HOOK3: variants seen among roughly 807,000 people sequenced by gnomAD.
HOOK3 encodes the protein hook microtubule tethering protein 3.
HOOK3 carries 24 observed loss-of-function variants against 116.3 expected under a neutral mutation model. The ratio of observed to expected loss-of-function variants is 0.21; its 90% CI spans 0.15 to 0.29. The LOEUF is 0.29. Among genes scored for constraint, HOOK3 ranks in the 10% least tolerant of loss-of-function variants. The pLI, the probability that HOOK3 is intolerant of heterozygous loss-of-function variation, is 1.00. For missense variants in HOOK3, 632 were observed against 830.2 expected (o/e 0.76, Z 2.93); for synonymous variants, 275 against 283.0 (o/e 0.97, Z 0.28).
chr8:43,017,355 C>G (rs538654566), intron 21 of HOOK3, among the ~76,000 whole-genome samples: 5 of 152,206 alleles, frequency 3.3e-5, no homozygotes, highest in Non-Finnish European at 7.3e-5. Context: ...CAGCCTCAAC[C>G]TCCTGGGCTC....
At chr8:42,933,695 G>A (rs1488613578) in intron 4 of HOOK3, among the ~76,000 whole-genome samples, 5 of 152,094 alleles carry the variant, frequency 3.3e-5, no homozygotes, top group African/African-American at 1.2e-4. Flanking sequence ...CTTATTTTAA[G>A]CCCCACAAAT....
intron 1 of HOOK3, among the ~76,000 whole-genome samples, chr8:42,902,537 G>C (rs1237745929): frequency 6.6e-6 from 1 of 152,108 alleles, no homozygotes; most frequent in Admixed American, 6.5e-5. Flanking sequence ...CTCCCATAGT[G>C]CTGAGGTAAC....
At chr8:42,939,372 C>T (rs62515920) in intron 4 of HOOK3, among the ~76,000 whole-genome samples, 6,572 of 149,746 alleles carry the variant, frequency 0.044, 210 homozygotes, top group South Asian at 0.072. Context: ...CCCTCCTGGA[C>T]GGGGCGGCTG....
intron 1 of HOOK3, among the ~76,000 whole-genome samples, chr8:42,902,218 C>A (rs865780116): frequency 6.6e-6 from 1 of 151,754 alleles, no homozygotes; most frequent in East Asian, 1.9e-4. Flanking sequence ...CAGCTTCCTA[C>A]ACACAGATTC....
Position 42,958,053 on chromosome 8 carries a change from C to T in HOOK3, c.531+897C>T, listed in dbSNP as rs560548322. 1.4e-4 allele frequency among the ~76,000 whole-genome samples: 22 copies of T among 152,136 alleles called. 1 individual carries two copies. The South Asian group carries it at 2.9e-3, about 20-fold the overall frequency. On this transcript the variant is annotated intron_variant, in intron 7 of 21. Coordinates refer to ENST00000307602, the MANE Select transcript of HOOK3 (RefSeq NM_032410.4). The stretch of plus-strand genomic sequence containing the variant: ...TTCACCATGTTAGCCAGGATGGTCT[C>T]GATCTCCTGACCTTGTGATCCACCA...
chr8:43,011,304 T>C (rs1809607793), intron 19 of HOOK3, among the ~76,000 whole-genome samples: 1 of 152,098 alleles, frequency 6.6e-6, no homozygotes, highest in South Asian at 2.1e-4. Flanking sequence ...AGGGGGTCAG[T>C]TTTCTTACAG....
intron 6 of HOOK3, 87 bp from the exon 7 acceptor site, chr8:42,957,007 G>T: frequency 1.6e-6 from 1 of 620,804 alleles, no homozygotes. Context: ...TTCTATAGTG[G>T]CTGGGTATTC....
At chr8:42,910,654 C>T (rs991586528) in intron 2 of HOOK3, among the ~76,000 whole-genome samples, 1 of 152,200 alleles carries the variant, frequency 6.6e-6, no homozygotes, top group Admixed American at 6.5e-5. Flanking sequence ...TATTGTTACA[C>T]AGTATCTATT....
intron 13 of HOOK3, among the ~76,000 whole-genome samples, chr8:42,982,041 G>C (rs1284115486): frequency 6.6e-6 from 1 of 151,282 alleles, no homozygotes; most frequent in African/African-American, 2.4e-5. Flanking sequence ...ATCACCTGAA[G>C]TCAGGAGTTC....
At chr8:42,961,948 A>G (rs967435933) in intron 8 of HOOK3, among the ~76,000 whole-genome samples, 4 of 151,868 alleles carry the variant, frequency 2.6e-5, no homozygotes, top group African/African-American at 9.7e-5. Flanking sequence ...CACCACACCC[A>G]GCTAATTCTT....
intron 2 of HOOK3, among the ~76,000 whole-genome samples, chr8:42,914,044 G>A (rs775510746): frequency 2.0e-5 from 3 of 152,130 alleles, no homozygotes; most frequent in African/African-American, 7.2e-5. Flanking sequence ...TCTCCTAACA[G>A]CACTGCTTTG....
In HOOK3 at chr8:42,984,267, G is replaced by A. The variant is rs578124283; in HGVS notation, c.1391+1571G>A. ...CCGGTAATCCCAGCTACTCGGGAGG[G>A]TGAGGTAGGAGAATCACTTGAACCC... On this transcript the variant is annotated intron_variant, in intron 14 of 21. Coordinates refer to ENST00000307602, the MANE Select transcript of HOOK3 (RefSeq NM_032410.4). 2.0e-5 allele frequency among the ~76,000 whole-genome samples: 3 copies of A among 151,648 alleles called. No individual in the cohort carries two copies. The East Asian group carries it at 5.8e-4, about 29-fold the overall frequency.
rs776358964 is a variant in HOOK3, at chr8:42,957,117, C to T, written c.492C>T (p.Val164=). The T allele has an allele frequency of 6.3e-7, 1 of 1,595,966 alleles. No homozygotes were observed. Among genetic ancestry groups the T allele is most frequent in the Admixed American group, 1.7e-5 (1 of 59,108 alleles). The part of the protein sequence containing the change: ...IQELMSKESP[V]SAGNDAYVDL... Reference sequence around the variant, plus strand: ...AGCTGATGAGTAAAGAATCTCCTGTCTCTGCTGGAAATGATGCCTATGTTG... The same window carrying T: ...AGCTGATGAGTAAAGAATCTCCTGTTTCTGCTGGAAATGATGCCTATGTTG... The change falls in exon 7 of 22, where the codon GTC becomes GTT. Residue 164 remains valine (V), a synonymous_variant. Transcript: ENST00000307602.
intron 1 of HOOK3, among the ~76,000 whole-genome samples, chr8:42,904,586 C>T (rs909776706): frequency 1.2e-4 from 19 of 152,308 alleles, no homozygotes; most frequent in African/African-American, 4.6e-4. Context: ...GCTGGGATTA[C>T]AGGCATGAGC....
chr8:43,029,880 C>T lies in HOOK3; in HGVS notation c.*11382C>T, dbSNP rs2130510869. 9.3e-6 allele frequency: 2 copies of T among 214,308 alleles called. No homozygotes were observed. Among genetic ancestry groups the T allele is most frequent in the Non-Finnish European group, 1.9e-5 (2 of 106,112 alleles). 13.3% of individuals were successfully genotyped at this position (214,308 alleles called of 1,614,324 possible). On this transcript the variant is annotated 3_prime_UTR_variant, in exon 22 of 22. Coordinates refer to ENST00000307602, the MANE Select transcript of HOOK3 (RefSeq NM_032410.4). ...CATGTCTTAAGTACCATTGATTGTT[C>T]TGTGAATTGTTGTTAGTTTCATATT...
chr8:42,952,223 C>G (rs981090937), intron 6 of HOOK3, among the ~76,000 whole-genome samples: 9 of 152,188 alleles, frequency 5.9e-5, no homozygotes, highest in African/African-American at 1.7e-4. Context: ...TAGAACAACT[C>G]ACAGAAGTCA....
intron 13 of HOOK3, among the ~76,000 whole-genome samples, chr8:42,982,020 G>A (rs989588510): frequency 4.6e-5 from 7 of 151,864 alleles, no homozygotes; most frequent in African/African-American, 1.7e-4. Flanking sequence ...TTGGGAGGCT[G>A]AGGTGGGAGG....
At chr8:42,988,757 C>T (rs1809097081) in intron 15 of HOOK3, among the ~76,000 whole-genome samples, 1 of 152,166 alleles carries the variant, frequency 6.6e-6, no homozygotes, top group Admixed American at 6.5e-5. Flanking sequence ...ACCCTGGCTG[C>T]CTGACTCCAA....
intron 18 of HOOK3, among the ~76,000 whole-genome samples, chr8:43,008,691 G>A (rs1380866875): frequency 2.2e-5 from 3 of 134,036 alleles, no homozygotes; most frequent in East Asian, 2.1e-4. Flanking sequence ...ACGGAGTCTC[G>A]CTCTGTCGCC....
Sources: allele counts gnomAD v4.1 joint callset (sites outside exome capture counted in the v4.1 genomes callset), GRCh38; gene constraint gnomAD v4.1.1; transcripts MANE v1.5; gene names NCBI Gene and HGNC (gene_info 2026-07-23, HGNC 2026-07-21).